Variants in IQGAP1 observed in about 807,000 individuals in gnomAD.
IQGAP1 encodes IQ motif containing GTPase activating protein 1.
In IQGAP1, 66 loss-of-function variants were observed where a neutral mutation model predicts 215.6. That is an observed-to-expected ratio of 0.31 (90% confidence interval 0.25 to 0.38). The LOEUF is 0.38. Ranked by LOEUF, IQGAP1 falls within the 10% of genes least tolerant of loss-of-function variation. The pLI, the probability that IQGAP1 is intolerant of heterozygous loss-of-function variation, is 1.00. For missense variants in IQGAP1, 1,712 were observed against 1,997.1 expected (o/e 0.86, Z 2.72); for synonymous variants, 772 against 728.7 (o/e 1.06, Z -0.96).
At chr15:90,461,983 C>CAA (rs1365772796) in intron 15 of IQGAP1, among the ~76,000 whole-genome samples, 7 of 85,744 alleles carry the variant, frequency 8.2e-5, no homozygotes, top group African/African-American at 1.4e-4. Flanking sequence ...ACTAAAAACA[C>CAA]AAAAAAAAAA....
chr15:90,456,713 TAA>T (rs59435003), intron 15 of IQGAP1, among the ~76,000 whole-genome samples: 11 of 127,972 alleles, frequency 8.6e-5, no homozygotes, highest in Admixed American at 2.4e-4. Context: ...TCATCTCTAC[TAA>T]AAAAAAAAAA....
chr15:90,426,919 C>T (rs1965231180), intron 3 of IQGAP1, among the ~76,000 whole-genome samples: 1 of 149,314 alleles, frequency 6.7e-6, no homozygotes, highest in African/African-American at 2.5e-5. Context: ...TGACACTGCA[C>T]TCCAGCCCTG....
rs766238465 is a variant in IQGAP1, at chr15:90,482,011, G to A, written c.3381G>A (p.Val1127=). The part of the protein sequence containing the change: ...TPEQALAHEE[V]KTRLDSSIRN... The stretch of plus-strand genomic sequence containing the variant: ...AGCAGGCGCTAGCTCATGAAGAAGT[G>A]AAGACACGGCTAGACAGCTCCATCA... The change falls in exon 27 of 38, where the codon GTG becomes GTA. Residue 1127 remains valine, a synonymous_variant. Coordinates refer to ENST00000268182, the MANE Select transcript of IQGAP1 (RefSeq NM_003870.4). The A allele has an allele frequency of 2.5e-6, 4 of 1,614,116 alleles. No individual in the cohort carries two copies. The highest frequency in any genetic ancestry group is 2.7e-5 in the African/African-American group (2 of 74,932).
In IQGAP1 at chr15:90,440,566, C is replaced by T; in HGVS notation, c.600C>T (p.Ser200=). Residue 200 remains serine, a synonymous_variant, in exon 7 of 38, where the codon AGC becomes AGT. Coordinates refer to ENST00000268182, the MANE Select transcript of IQGAP1 (RefSeq NM_003870.4). ...ATGGCATCCAGATGCCTGCCTTTAG[C>T]AAGATTGGGGGCATCTTGGCTAATG... is the stretch of plus-strand genomic sequence containing the variant. The part of the protein sequence containing the change: ...EKYGIQMPAF[S]KIGGILANEL... 2 of 1,571,104 alleles carry T rather than the reference C, an allele frequency of 1.3e-6. No individual in the cohort carries two copies. The highest frequency in any genetic ancestry group is 2.3e-5 in the South Asian group (2 of 85,356).
intron 15 of IQGAP1, among the ~76,000 whole-genome samples, chr15:90,459,552 C>G (rs943979435): frequency 2.0e-5 from 3 of 152,108 alleles, no homozygotes; most frequent in Non-Finnish European, 4.4e-5. Context: ...TGAAGCATTT[C>G]CTTTGCTGTG....
intron 13 of IQGAP1, 89 bp downstream of exon 13, chr15:90,453,381 A>G (rs1306747474): frequency 1.0e-6 from 1 of 977,586 alleles, no homozygotes; most frequent in South Asian, 1.7e-5. Flanking sequence ...CTTTGCAGGC[A>G]TTATTACTTT....
At chr15:90,447,292 A>G (rs986374072) in intron 9 of IQGAP1, among the ~76,000 whole-genome samples, 9 of 152,210 alleles carry the variant, frequency 5.9e-5, no homozygotes, top group African/African-American at 2.2e-4. Flanking sequence ...TTAGGAGCCT[A>G]CAGTGAGACC....
intron 35 of IQGAP1, among the ~76,000 whole-genome samples, chr15:90,493,683 G>C (rs1966236488): frequency 1.3e-5 from 2 of 152,088 alleles, no homozygotes; most frequent in African/African-American, 4.8e-5. Context: ...CATGTCCTCT[G>C]TTTCTCTCTT....
intron 2 of IQGAP1, among the ~76,000 whole-genome samples, chr15:90,410,309 C>T (rs1964940686): frequency 6.6e-6 from 1 of 152,106 alleles, no homozygotes; most frequent in South Asian, 2.1e-4. Flanking sequence ...CTAGAAATAC[C>T]ATTTGACCCA....
rs372480625 is a variant in IQGAP1, at chr15:90,466,124, G to A, written c.1867+33G>A. On this transcript the variant is annotated intron_variant, in intron 16 of 37. Coordinates refer to ENST00000268182, the MANE Select transcript of IQGAP1 (RefSeq NM_003870.4). ...TCACCTGTTTTATTTCTGTTTTGGTGGAGGCTGGGGTGACAAGGTGCTCCG... is the reference window on the plus strand; with the variant it reads ...TCACCTGTTTTATTTCTGTTTTGGTAGAGGCTGGGGTGACAAGGTGCTCCG... 4.1e-5 allele frequency: 65 copies of A among 1,603,946 alleles called. No homozygotes were observed. The African/African-American group carries it at 7.7e-4, about 19-fold the overall frequency.
chr15:90,483,345 G>A lies in IQGAP1; in HGVS notation c.3556-16G>A. ...TATGTCTTTTAATACCCATCTTTCTGTTTCGTCTGTTCCAGATTATTGGTA... is the reference window on the plus strand; with the variant it reads ...TATGTCTTTTAATACCCATCTTTCTATTTCGTCTGTTCCAGATTATTGGTA... On this transcript the variant is annotated splice_polypyrimidine_tract_variant and intron_variant, in intron 28 of 37. Coordinates refer to ENST00000268182, the MANE Select transcript of IQGAP1 (RefSeq NM_003870.4). 6.3e-7 allele frequency: 1 copy of A among 1,584,854 alleles called. No individual in the cohort carries two copies. The highest frequency in any genetic ancestry group is 8.7e-7 in the Non-Finnish European group (1 of 1,154,062).
intron 2 of IQGAP1, among the ~76,000 whole-genome samples, chr15:90,406,391 TC>T (rs1480471965): frequency 2.0e-5 from 3 of 152,198 alleles, no homozygotes; most frequent in African/African-American, 7.2e-5. Context: ...AGTCTTGATC[TC>T]CTGACCTGGT....
chr15:90,479,693 C>T (rs1966028624), intron 26 of IQGAP1, among the ~76,000 whole-genome samples: 1 of 151,996 alleles, frequency 6.6e-6, no homozygotes, highest in Non-Finnish European at 1.5e-5. Context: ...CTGCAGTGTG[C>T]CTTGATGGCG....
rs1450217055 is a variant in IQGAP1 at position 90,470,171 on chromosome 15, C to T, written c.2178+2579C>T. 6.6e-5 allele frequency among the ~76,000 whole-genome samples: 10 copies of T among 152,142 alleles called. No homozygotes were observed. In the East Asian group the frequency reaches 1.9e-3, roughly 29 times the overall value. ...TTACCTCTCCTGCCAACAATAGTGG[C>T]GATCACATATAGATCCTCCCACTCT... On this transcript the variant is annotated intron_variant, in intron 18 of 37. Transcript: ENST00000268182.
chr15:90,426,605 G>T (rs1048197077), intron 3 of IQGAP1, among the ~76,000 whole-genome samples: 1 of 151,774 alleles, frequency 6.6e-6, no homozygotes, highest in African/African-American at 2.4e-5. Flanking sequence ...AGTTGTAGAT[G>T]AATTTTTTAA....
chr15:90,473,553 G>T (rs1965934587), intron 19 of IQGAP1, 162 bp from the exon 20 acceptor site: 1 of 600,906 alleles, frequency 1.7e-6, no homozygotes, highest in African/African-American at 1.9e-5. Flanking sequence ...TCCAGTGGAG[G>T]GATGGCCCGT....
Position 90,439,291 on chromosome 15 carries a change from A to C in IQGAP1, c.468-41A>C, listed in dbSNP as rs546204211. ...CGCCTTTTAAGGGTGGCAGCTAGGC[A>C]CAGCTGGGAGGCCTAACCTTTTGCA... On this transcript the variant is annotated intron_variant, in intron 5 of 37. Coordinates refer to ENST00000268182, the MANE Select transcript of IQGAP1 (RefSeq NM_003870.4). The C allele has an allele frequency of 1.1e-5, 17 of 1,541,694 alleles. No individual in the cohort carries two copies. The South Asian group carries it at 1.5e-4, about 13-fold the overall frequency.
In IQGAP1 at chr15:90,500,333, T is replaced by C. The variant is rs1429913455; in HGVS notation, c.*225T>C. 4 of 440,030 alleles carry C rather than the reference T, an allele frequency of 9.1e-6. No individual in the cohort carries two copies. Among genetic ancestry groups the C allele is most frequent in the Non-Finnish European group, 1.7e-5 (4 of 240,788 alleles). The allele number at this position is 440,030 out of a possible 1,614,324, so 27.3% of individuals were successfully genotyped here. On this transcript the variant is annotated 3_prime_UTR_variant, in exon 38 of 38. Transcript: ENST00000268182. The stretch of plus-strand genomic sequence containing the variant: ...CAGGCTTAGTCTGACCTTTCTGGTT[T>C]CTTCATTTTCTTCCATTACTTAGGA...
Position 90,449,577 on chromosome 15 carries a change from C to T in IQGAP1, c.1096C>T (p.Leu366=), listed in dbSNP as rs1408065562. 1.2e-6 allele frequency: 2 copies of T among 1,612,774 alleles called. No homozygotes were observed. Among genetic ancestry groups the T allele is most frequent in the Admixed American group, 3.3e-5 (2 of 59,836 alleles). ...QKRQSGQTDP[L]QKEELQSGVD... ...TGCTCAGAGTGGTCAGACTGACCCC[C>T]TGCAGAAGGAGGAGCTGCAGTCTGG... Residue 366 remains leucine, a synonymous_variant, in exon 11 of 38, where the codon CTG becomes TTG. Transcript: ENST00000268182.
Sources: gnomAD v4.1 joint callset for allele counts (sites outside exome capture counted in the v4.1 genomes callset) on GRCh38, gnomAD v4.1.1 for gene constraint, MANE v1.5 for transcripts, NCBI Gene and HGNC (gene_info 2026-07-23, HGNC 2026-07-21) for gene names.